Variants in ZNF394 observed in about 807,000 individuals in gnomAD.
ZNF394 encodes the protein zinc finger protein 99.
A neutral mutation model predicts 21.8 loss-of-function variants in ZNF394; 19 were observed. That is an observed-to-expected ratio of 0.87 (90% CI 0.61 to 1.28). The LOEUF is 1.28. ZNF394 is among the 50% of genes most tolerant of loss of function. ZNF394 has a pLI of 0.00. For missense variants in ZNF394, 683 were observed against 708.6 expected (o/e 0.96, Z 0.41); for synonymous variants, 294 against 273.3 (o/e 1.08, Z -0.75).
downstream of ZNF394, among the ~76,000 whole-genome samples, chr7:99,490,915 GT>G (rs1169914614): frequency 1.3e-5 from 2 of 152,084 alleles, no homozygotes. Flanking sequence ...TTTCCAAACA[GT>G]TCCTAGAGGA....
At position 99,493,620 on chromosome 7, in the gene ZNF394, T is replaced by A; in HGVS notation, c.1595A>T (p.Glu532Val). 3 of 1,614,234 alleles carry A rather than the reference T, an allele frequency of 1.9e-6. No homozygotes were observed. The highest frequency in any genetic ancestry group is 2.5e-6 in the Non-Finnish European group (3 of 1,180,050). Residue 532 changes from glutamate to valine, a missense_variant, in exon 3 of 3, where the codon GAA becomes GTA. This residue lies in a region of ZNF394 where 274 missense variants were observed against 314.1 expected (regional missense o/e 0.87). Transcript: ENST00000337673. ...EKPYKCLECG[E>V]RFRQSTHLIR... is the part of the protein sequence containing the mutation. Reference sequence around the variant, plus strand: ...AAGGTGTGTACTTTGTCTAAATCTTTCCCCACATTCAAGACATTTGTAAGG... The same window carrying A: ...AAGGTGTGTACTTTGTCTAAATCTTACCCCACATTCAAGACATTTGTAAGG...
rs1800247970 is a variant in ZNF394, at chr7:99,494,623, T to G, written c.592A>C (p.Ser198Arg). 1.3e-6 allele frequency: 2 copies of G among 1,579,132 alleles called. No individual in the cohort carries two copies. Among genetic ancestry groups the G allele is most frequent in the African/African-American group, 2.7e-5 (2 of 73,140 alleles). The change falls in exon 3 of 3, where the codon AGC becomes CGC. Residue 198 changes from serine (S) to arginine (R), a missense_variant. Physicochemically the swap from Ser to Arg is moderately radical, Grantham distance 110. Coordinates refer to ENST00000337673, the MANE Select transcript of ZNF394 (RefSeq NM_032164.4). ...SGSTVPPSLE[S>R]RVENKELIPM... ...ATCAACTCTTTGTTCTCCACTCTGCTTTCCAAACCTGAAACGTGAAAATAC... is the reference window on the plus strand; with the variant it reads ...ATCAACTCTTTGTTCTCCACTCTGCGTTCCAAACCTGAAACGTGAAAATAC...
At position 99,499,642 on chromosome 7, in the gene ZNF394, G is replaced by A. The variant is rs143330361; in HGVS notation, c.452C>T (p.Ser151Phe). The part of the protein sequence containing the change: ...ALQRALDGTS[S>F]QGMVTFEDTA... ...AACAGGCCTTTCGCTTCTCACCTGG[G>A]ATGAGGTTCCATCGAGCGCTCGCTG... Residue 151 changes from serine (S) to phenylalanine (F), a missense_variant, in exon 1 of 3, where the codon TCC (serine) becomes TTC (phenylalanine). This residue lies in a region of ZNF394 where 402 missense variants were observed against 373.8 expected (regional missense o/e 1.08). Transcript: ENST00000337673. 72 of 1,590,072 alleles carry A rather than the reference G, an allele frequency of 4.5e-5. No homozygotes were observed. The African/African-American group carries it at 8.8e-4, about 20-fold the overall frequency.
At chr7:99,495,983 G>T (rs1387624447) in intron 2 of ZNF394, among the ~76,000 whole-genome samples, 1 of 151,344 alleles carries the variant, frequency 6.6e-6, no homozygotes, top group East Asian at 2.0e-4. Context: ...GTGCAATGGC[G>T]TGATCTCGGC....
At chr7:99,489,752 T>G (rs1800121078), downstream of ZNF394, among the ~76,000 whole-genome samples, 1 of 152,198 alleles carries the variant, frequency 6.6e-6, no homozygotes, top group African/African-American at 2.4e-5. Context: ...TTAAATAGGT[T>G]GAGCTGAGTG....
At chr7:99,491,864 G>A (rs1250878681), downstream of ZNF394, among the ~76,000 whole-genome samples, 1 of 150,884 alleles carries the variant, frequency 6.6e-6, no homozygotes, top group Non-Finnish European at 1.5e-5. Context: ...CATGAGGTCA[G>A]GAGATCCAGA....
chr7:99,497,122 G>GTGTGTGTATATATATA (rs1322382800), intron 2 of ZNF394, among the ~76,000 whole-genome samples: 3 of 79,444 alleles, frequency 3.8e-5, no homozygotes, highest in African/African-American at 1.5e-4. Context: ...GTGTGTGTGT[G>GTGTGTGTATATATATA]TATATATATA....
chr7:99,496,943 T>TC (rs1474159379), intron 2 of ZNF394, among the ~76,000 whole-genome samples: 8 of 151,324 alleles, frequency 5.3e-5, no homozygotes, highest in Admixed American at 5.3e-4. Context: ...ACATTAGTTA[T>TC]GGGCTCTTTG....
At position 99,499,798 on chromosome 7, in the gene ZNF394, G is replaced by A; in HGVS notation, c.296C>T (p.Ser99Phe). Residue 99 changes from serine (S) to phenylalanine (F), a missense_variant, in exon 1 of 3, where the codon TCC (serine) becomes TTC (phenylalanine). Physicochemically the swap from Ser to Phe is radical, Grantham distance 155. Transcript: ENST00000337673. ...CRRWLRPELL[S>F]KEQILELLVL... ...CAGCAGCTCCAGGATCTGCTCCTTG[G>A]AGAGCAGCTCGGGTCTCAGCCACCG... is the stretch of plus-strand genomic sequence containing the variant. 6.2e-7 allele frequency: 1 copy of A among 1,614,192 alleles called. No homozygotes were observed. Among genetic ancestry groups the A allele is most frequent in the Non-Finnish European group, 8.5e-7 (1 of 1,180,042 alleles).
chr7:99,491,509 G>A (rs572447876), downstream of ZNF394, among the ~76,000 whole-genome samples: 17 of 152,220 alleles, frequency 1.1e-4, no homozygotes, highest in South Asian at 2.5e-3. Flanking sequence ...GGGGCTAACT[G>A]GAAAGACCAA....
downstream of ZNF394, chr7:99,493,094 G>T: frequency 1.7e-6 from 1 of 595,670 alleles, no homozygotes; most frequent in Non-Finnish European, 2.1e-6. Context: ...CTCACTCACT[G>T]AAACTATCAG....
chr7:99,490,133 G>A (rs916757055), downstream of ZNF394, among the ~76,000 whole-genome samples: 1 of 150,238 alleles, frequency 6.7e-6, no homozygotes, highest in Non-Finnish European at 1.5e-5. Context: ...TGGCCAACAT[G>A]GCAAAACCTC....
chr7:99,486,744 T>G, exon 2 of ZNF394: 1 of 1,614,214 alleles, frequency 6.2e-7, no homozygotes, highest in African/African-American at 1.3e-5. Context: ...ATGATGAGGA[T>G]GGCAAACCCT....
chr7:99,495,261 C>T (rs570470512), intron 2 of ZNF394, among the ~76,000 whole-genome samples: 2 of 152,266 alleles, frequency 1.3e-5, no homozygotes, highest in East Asian at 3.9e-4. Context: ...CCTGCCTCGG[C>T]CTCCCAGACT....
intron 1 of ZNF394, 72 bp downstream of exon 1, chr7:99,499,566 C>G (rs1800450304): frequency 1.4e-6 from 2 of 1,391,302 alleles, no homozygotes. Context: ...GAAGTAAGTT[C>G]CGAAACGCAG....
At chr7:99,488,119 T>C (rs1800069688) in intron 1 of ZNF394, among the ~76,000 whole-genome samples, 1 of 150,338 alleles carries the variant, frequency 6.7e-6, no homozygotes, top group African/African-American at 2.5e-5. Flanking sequence ...TAGGCTGTTG[T>C]GTCCACTCTC....
At chr7:99,498,654 G>T (rs779329249) in intron 2 of ZNF394, 62 bp downstream of exon 2, 2 of 1,607,258 alleles carry the variant, frequency 1.2e-6, no homozygotes, top group Non-Finnish European at 1.7e-6. Context: ...CTCAGGGATG[G>T]TAGTGAACCA....
Position 99,495,768 on chromosome 7 carries a change from C to T in ZNF394, c.584-1137G>A, listed in dbSNP as rs72494446. On this transcript the variant is annotated intron_variant, in intron 2 of 2. Coordinates refer to ENST00000337673, the MANE Select transcript of ZNF394 (RefSeq NM_032164.4). ...TGAGAGTAGCTGGGATTACAGGCAA[C>T]GTGCCACCACACCCGGCTAATTTTT... Among the ~76,000 whole-genome samples the T allele has an allele frequency of 1.4e-3, 208 of 152,042 alleles. 3 individuals are homozygous for T. The East Asian group carries it at 0.034, about 25-fold the overall frequency.
Position 99,493,773 on chromosome 7 carries a change from C to G in ZNF394, c.1442G>C (p.Arg481Pro). ...TCTGTGGTGTTTAAAGAGGTCAGAG[C>G]GCTGTTTGAAGCTCTTCTCGCATTC... is the stretch of plus-strand genomic sequence containing the variant. ...CEECEKSFKQ[R>P]SDLFKHHRIH... The change falls in exon 3 of 3, where the codon CGC (arginine) becomes CCC (proline). Residue 481 changes from arginine (R) to proline (P), a missense_variant. This residue lies in a region of ZNF394 where 274 missense variants were observed against 314.1 expected (regional missense o/e 0.87). Transcript: ENST00000337673. The G allele has an allele frequency of 6.2e-7, 1 of 1,614,168 alleles. No individual in the cohort carries two copies. Among genetic ancestry groups the G allele is most frequent in the Non-Finnish European group, 8.5e-7 (1 of 1,180,026 alleles).
Sources: gnomAD v4.1 joint callset for allele counts (sites outside exome capture counted in the v4.1 genomes callset) on GRCh38, gnomAD v4.1.1 for gene constraint, gnomAD v4.1.1 regional missense constraint, MANE v1.5 for transcripts, NCBI Gene and HGNC (gene_info 2026-07-23, HGNC 2026-07-21) for gene names.